ACTL8: variants seen among roughly 807,000 people sequenced by gnomAD.
ACTL8 encodes the protein actin-like protein 8.
Under a neutral mutation model 9.3 loss-of-function variants are expected in ACTL8, and 3 were observed. The observed-to-expected ratio is 0.32, with a 90% confidence interval of 0.15 to 0.83. ACTL8 has a LOEUF of 0.83. Among genes scored for constraint, ACTL8 ranks in the 40% least tolerant of loss-of-function variants. The pLI, the probability that ACTL8 is intolerant of heterozygous loss-of-function variation, is 0.57. For synonymous variants in ACTL8, 224 were observed against 205.9 expected, an observed-to-expected ratio of 1.09 and a Z score of -0.75; for missense variants, 381 against 492.2, an observed-to-expected ratio of 0.77 and a Z score of 2.14.
chr1:17,764,980 C>T (rs2066033867), intron 1 of ACTL8, among the ~76,000 whole-genome samples: 1 of 152,212 alleles, frequency 6.6e-6, no homozygotes, highest in African/African-American at 2.4e-5. Flanking sequence ...GGAATCCACC[C>T]AGGTAAAGCC....
chr1:17,785,894 A>G (rs889381918), intron 1 of ACTL8, among the ~76,000 whole-genome samples: 3 of 152,100 alleles, frequency 2.0e-5, no homozygotes, highest in Non-Finnish European at 4.4e-5. Flanking sequence ...GGATCTCACA[A>G]GGCCACAGTC....
intron 1 of ACTL8, among the ~76,000 whole-genome samples, chr1:17,819,033 G>A (rs940615775): frequency 1.3e-5 from 2 of 152,156 alleles, no homozygotes; most frequent in Non-Finnish European, 1.5e-5. Context: ...CATGTGCCAG[G>A]GGAAGAATGG....
rs773193212 is a variant in ACTL8, at chr1:17,823,024, G to A, written c.16G>A (p.Val6Ile). 1.2e-5 allele frequency: 19 copies of A among 1,613,932 alleles called. No individual in the cohort carries two copies. The highest frequency in any genetic ancestry group is 3.3e-5 in the Admixed American group (2 of 60,022). The change falls in exon 2 of 3, where the codon GTT becomes ATT. Residue 6 changes from valine (V) to isoleucine (I), a missense_variant. This residue lies in a region of ACTL8 where 125 missense variants were observed against 180.7 expected (regional missense o/e 0.69). Coordinates refer to ENST00000375406, the MANE Select transcript of ACTL8 (RefSeq NM_030812.3). The surrounding 1 kb of genome is among the most constrained non-coding windows in gnomAD (Gnocchi z 5.3). ...TGCCTCCGCCATGGCTGCAAGAACC[G>A]TTATCATTGACCACGGGTCTGGCTT... MAART[V>I]IIDHGSGFLK... is the part of the protein sequence containing the mutation.
intron 1 of ACTL8, among the ~76,000 whole-genome samples, chr1:17,796,892 C>T (rs887767323): frequency 2.6e-5 from 4 of 152,204 alleles, no homozygotes; most frequent in East Asian, 1.9e-4. Flanking sequence ...TGCACAGCAC[C>T]GGCACTGCCG....
chr1:17,794,233 G>A lies in ACTL8; in HGVS notation c.-24-28752G>A, dbSNP rs2066261613. ...GGTCTGGCTGACCTTTTAGCCCGTG[G>A]TTAAGAGCCCAGTGGAGTGGAATCA... On this transcript the variant is annotated intron_variant, in intron 1 of 2. Transcript: ENST00000375406. 2.6e-5 allele frequency among the ~76,000 whole-genome samples: 4 copies of A among 152,176 alleles called. No individual in the cohort carries two copies. The South Asian group carries it at 8.3e-4, about 32-fold the overall frequency.
chr1:17,810,823 T>C (rs749479632), intron 1 of ACTL8, among the ~76,000 whole-genome samples: 7 of 152,252 alleles, frequency 4.6e-5, no homozygotes, highest in Admixed American at 6.5e-5. Flanking sequence ...GATGTTGTCA[T>C]GTATATCAAT....
chr1:17,771,674 C>T (rs72648477), intron 1 of ACTL8, among the ~76,000 whole-genome samples: 6,025 of 152,002 alleles, frequency 0.04, 165 homozygotes, highest in South Asian at 0.069. Flanking sequence ...GCTTCGAGGC[C>T]CCTAGCAGCT....
At chr1:17,813,236 G>A (rs1051587260) in intron 1 of ACTL8, among the ~76,000 whole-genome samples, 1 of 152,190 alleles carries the variant, frequency 6.6e-6, no homozygotes, top group Non-Finnish European at 1.5e-5. Flanking sequence ...TAGGGAGAAA[G>A]CATCCTACTT....
At chr1:17,816,242 T>C (rs2124188099) in intron 1 of ACTL8, among the ~76,000 whole-genome samples, 1 of 149,950 alleles carries the variant, frequency 6.7e-6, no homozygotes, top group Non-Finnish European at 1.5e-5. Context: ...TCCCATAGTC[T>C]CTAGGCTGAA....
intron 1 of ACTL8, among the ~76,000 whole-genome samples, chr1:17,807,571 A>G (rs1398240107): frequency 1.3e-5 from 2 of 152,182 alleles, no homozygotes; most frequent in Non-Finnish European, 2.9e-5. Flanking sequence ...ACTATTCACA[A>G]TAGCAAAGAC....
intron 1 of ACTL8, among the ~76,000 whole-genome samples, chr1:17,792,354 A>G (rs917329637): frequency 6.6e-5 from 10 of 152,134 alleles, no homozygotes; most frequent in Admixed American, 3.3e-4. Context: ...AAATGTGTAT[A>G]ATCACCCCCT....
chr1:17,776,884 C>T (rs988188423), intron 1 of ACTL8, among the ~76,000 whole-genome samples: 6 of 151,120 alleles, frequency 4.0e-5, no homozygotes, highest in African/African-American at 9.7e-5. Context: ...ACTGCAGCCT[C>T]GACCTCCTGG....
chr1:17,825,078 G>A (rs1339309060), intron 2 of ACTL8, among the ~76,000 whole-genome samples: 1 of 134,718 alleles, frequency 7.4e-6, no homozygotes, highest in African/African-American at 2.7e-5. Flanking sequence ...GGAATGGGGG[G>A]CAGGGGGGCT....
chr1:17,817,407 C>G (rs944914925), intron 1 of ACTL8, among the ~76,000 whole-genome samples: 2 of 152,164 alleles, frequency 1.3e-5, no homozygotes, highest in Non-Finnish European at 2.9e-5. Context: ...ATGCTTTAGC[C>G]AAGGCTGCTG....
At position 17,805,377 on chromosome 1, in the gene ACTL8, CTTTT is replaced by C. The variant is rs56870755; in HGVS notation, c.-24-17585_-24-17582del. ...ATAGATATATTTTCTTTTTCTTTTTCTTTTTTTTTTTTTTTTTTTTTTTTTTGAG... is the reference window on the plus strand; with the variant it reads ...ATAGATATATTTTCTTTTTCTTTTTCTTTTTTTTTTTTTTTTTTTTTTGAG... On this transcript the variant is annotated intron_variant, in intron 1 of 2. Transcript: ENST00000375406. 2.5e-3 allele frequency among the ~76,000 whole-genome samples: 246 copies of C among 100,100 alleles called. 2 individuals carry two copies. Among genetic ancestry groups the C allele is most frequent in the African/African-American group, 9.7e-3 (217 of 22,294 alleles). The allele number at this position is 100,100 out of a possible 152,430, so 65.7% of individuals were successfully genotyped here. A position where few individuals can be genotyped will look rare whatever the true frequency, so the allele number is the denominator to read the frequency against.
At chr1:17,811,375 A>G (rs893101822) in intron 1 of ACTL8, among the ~76,000 whole-genome samples, 2 of 152,184 alleles carry the variant, frequency 1.3e-5, no homozygotes, top group Non-Finnish European at 2.9e-5. Context: ...GTGACTTGCA[A>G]ATAGTTTCTC....
chr1:17,823,408 CTA>C lies in ACTL8; in HGVS notation c.348+54_348+55del. 6.6e-7 allele frequency: 1 copy of C among 1,523,762 alleles called. No homozygotes were observed. Among genetic ancestry groups the C allele is most frequent in the Non-Finnish European group, 8.9e-7 (1 of 1,120,752 alleles). The allele number at this position is 1,523,762 out of a possible 1,614,324, so 94.4% of individuals were successfully genotyped here. On this transcript the variant is annotated intron_variant, in intron 2 of 2. Coordinates refer to ENST00000375406, the MANE Select transcript of ACTL8 (RefSeq NM_030812.3). This position sits in a 1 kb window ranked among gnomAD's most constrained non-coding sequence, Gnocchi z 5.3. ...CTCGGGAGCGGGAAACAGACTGACA[CTA>C]TGTCTGGACTGATTGGGCACCAGGA...
At chr1:17,775,134 T>G (rs1043658562) in intron 1 of ACTL8, among the ~76,000 whole-genome samples, 5 of 152,186 alleles carry the variant, frequency 3.3e-5, no homozygotes, top group Non-Finnish European at 7.3e-5. Context: ...AGAGCAAAAT[T>G]TAGCCTGATG....
At chr1:17,799,855 T>C (rs2102692013) in intron 1 of ACTL8, among the ~76,000 whole-genome samples, 2 of 152,040 alleles carry the variant, frequency 1.3e-5, no homozygotes, top group East Asian at 3.9e-4. Flanking sequence ...CCATCCTTTT[T>C]CCTCCGGTTT....
Sources: allele counts gnomAD v4.1 joint callset (sites outside exome capture counted in the v4.1 genomes callset), GRCh38; gene constraint gnomAD v4.1.1; regional missense constraint gnomAD v4.1.1; non-coding constraint Gnocchi (gnomAD v3.1); transcripts MANE v1.5; gene names NCBI Gene and HGNC (gene_info 2026-07-23, HGNC 2026-07-21).